Variants in PDCL2 observed in about 807,000 individuals in gnomAD.
PDCL2 encodes the protein phosducin like 2, also known as phosducin-like protein 2.
PDCL2 carries 23 observed loss-of-function variants against 30.3 expected under a neutral mutation model. The ratio of observed to expected loss-of-function variants is 0.76; its 90% CI spans 0.55 to 1.08. The LOEUF is 1.08. PDCL2 is among the 50% of genes least tolerant of loss of function. The probability of loss-of-function intolerance (pLI) is 0.00; values close to 1 mark genes in which losing one functional copy is unlikely to be tolerated. For missense variants in PDCL2, 243 were observed against 282.3 expected, an observed-to-expected ratio of 0.86 and a Z score of 1.00; for synonymous variants, 68 against 86.2, an observed-to-expected ratio of 0.79 and a Z score of 1.17.
intron 1 of PDCL2, among the ~76,000 whole-genome samples, chr4:55,589,446 A>G (rs1233442403): frequency 7.9e-5 from 12 of 152,192 alleles, no homozygotes; most frequent in Admixed American, 7.9e-4. Flanking sequence ...CCACCCAACA[A>G]TACGACTCAG....
At chr4:55,562,319 T>C in intron 5 of PDCL2, 85 bp downstream of exon 5, 1 of 904,508 alleles carries the variant, frequency 1.1e-6, no homozygotes, top group East Asian at 3.0e-5. Context: ...AAAACCTTGG[T>C]ACTAAGGAAG....
At chr4:55,560,772 G>A (rs762520211) in intron 5 of PDCL2, among the ~76,000 whole-genome samples, 10 of 152,158 alleles carry the variant, frequency 6.6e-5, no homozygotes, top group Non-Finnish European at 1.3e-4. Context: ...GGAGTGGTTA[G>A]ACCATGAGGG....
At chr4:55,577,726 C>T (rs1249817927) in intron 3 of PDCL2, among the ~76,000 whole-genome samples, 1 of 152,104 alleles carries the variant, frequency 6.6e-6, no homozygotes, top group East Asian at 1.9e-4. Flanking sequence ...TATTGATATT[C>T]TCTTTTTGAT....
intron 2 of PDCL2, among the ~76,000 whole-genome samples, chr4:55,581,553 C>T (rs1452597798): frequency 1.3e-5 from 2 of 152,056 alleles, no homozygotes; most frequent in African/African-American, 4.8e-5. Flanking sequence ...GGCAGAGGGA[C>T]ATGGTGGGAG....
intron 1 of PDCL2, among the ~76,000 whole-genome samples, chr4:55,587,427 A>G (rs1190279995): frequency 6.6e-6 from 1 of 151,646 alleles, no homozygotes; most frequent in East Asian, 1.9e-4. Flanking sequence ...CCATTTTTAT[A>G]TTGGGTTGTT....
intron 3 of PDCL2, among the ~76,000 whole-genome samples, chr4:55,574,511 C>G (rs935162196): frequency 6.6e-6 from 1 of 152,186 alleles, no homozygotes; most frequent in African/African-American, 2.4e-5. Flanking sequence ...TATGTAGCCC[C>G]TAATGAAACA....
chr4:55,559,767 C>T (rs1024636198), intron 5 of PDCL2, among the ~76,000 whole-genome samples: 2 of 152,106 alleles, frequency 1.3e-5, no homozygotes, highest in Non-Finnish European at 2.9e-5. Flanking sequence ...TGTCCATTAA[C>T]AGATGAAGGG....
chr4:55,566,710 T>C (rs2110155752), intron 4 of PDCL2, among the ~76,000 whole-genome samples: 1 of 152,210 alleles, frequency 6.6e-6, no homozygotes, highest in South Asian at 2.1e-4. Flanking sequence ...TTACAGGCAA[T>C]GAGCCACCGC....
In PDCL2 at chr4:55,556,652, T is replaced by C; in HGVS notation, c.631A>G (p.Arg211Gly). Residue 211 changes from arginine to glycine, a missense_variant, in exon 6 of 6, where the codon AGA becomes GGA. Arg to Gly is a moderately radical substitution (Grantham distance 125). Transcript: ENST00000295645. ...AIQTDLEENP[R>G]KDMVDMMVSS... ...ACCATCATATCTACCATGTCTTTTC[T>C]GGGGTTTTCTTCCAAATCAGTCTGT... is the stretch of plus-strand genomic sequence containing the variant. 6.4e-7 allele frequency: 1 copy of C among 1,571,130 alleles called. No individual in the cohort carries two copies. The highest frequency in any genetic ancestry group is 8.7e-7 in the Non-Finnish European group (1 of 1,156,020).
intron 4 of PDCL2, 95 bp downstream of exon 4, chr4:55,569,623 T>C: frequency 1.2e-6 from 1 of 854,720 alleles, no homozygotes; most frequent in Non-Finnish European, 1.7e-6. Flanking sequence ...TTGCTTTTTC[T>C]TGAGTACTGT....
chr4:55,573,394 A>C (rs1239122144), intron 3 of PDCL2, among the ~76,000 whole-genome samples: 1 of 152,132 alleles, frequency 6.6e-6, no homozygotes, highest in East Asian at 1.9e-4. Flanking sequence ...TGAATATTAC[A>C]TCTTTTTTTA....
chr4:55,560,195 G>GT (rs1333198933), intron 5 of PDCL2, among the ~76,000 whole-genome samples: 1 of 145,224 alleles, frequency 6.9e-6, no homozygotes, highest in African/African-American at 2.5e-5. Flanking sequence ...AAAAAGGGGG[G>GT]GGGGACGAGA....
Position 55,560,210 on chromosome 4 carries a change from C to T in PDCL2, c.571+2194G>A, listed in dbSNP as rs189299821. On this transcript the variant is annotated intron_variant, in intron 5 of 5. Transcript: ENST00000295645. ...AAAAAGGGGGGGGGGACGAGATACA[C>T]ACTAAATTCGTGATAGTTTTTGCCC... 3.4e-5 allele frequency among the ~76,000 whole-genome samples: 5 copies of T among 149,076 alleles called. No individual in the cohort carries two copies. In the East Asian group the frequency reaches 6.0e-4, roughly 18 times the overall value.
chr4:55,564,494 C>T (rs770159542), intron 4 of PDCL2, among the ~76,000 whole-genome samples: 1 of 152,088 alleles, frequency 6.6e-6, no homozygotes, highest in African/African-American at 2.4e-5. Flanking sequence ...GGTATTCAAG[C>T]TTCAAAATAT....
At chr4:55,562,001 T>G (rs965655098) in intron 5 of PDCL2, among the ~76,000 whole-genome samples, 4 of 152,100 alleles carry the variant, frequency 2.6e-5, no homozygotes, top group South Asian at 2.1e-4. Flanking sequence ...AACTTTGGAT[T>G]TGGATAATAG....
intron 5 of PDCL2, among the ~76,000 whole-genome samples, chr4:55,561,288 G>A (rs1166807220): frequency 6.6e-6 from 1 of 152,062 alleles, no homozygotes; most frequent in Non-Finnish European, 1.5e-5. Context: ...CCAGCCAGGG[G>A]CAGAGGCTCA....
intron 1 of PDCL2, among the ~76,000 whole-genome samples, chr4:55,586,313 C>T (rs902014479): frequency 2.0e-5 from 3 of 152,180 alleles, no homozygotes; most frequent in Non-Finnish European, 4.4e-5. Flanking sequence ...AAACTGTACT[C>T]ATTAAATAAT....
chr4:55,581,350 A>T (rs1192836270), intron 2 of PDCL2, among the ~76,000 whole-genome samples: 1 of 152,134 alleles, frequency 6.6e-6, no homozygotes, highest in African/African-American at 2.4e-5. Flanking sequence ...CCAGCCACCA[A>T]AAAAAGCTAT....
chr4:55,570,008 A>G (rs1048899480), intron 3 of PDCL2, 147 bp from the exon 4 acceptor site: 3 of 574,590 alleles, frequency 5.2e-6, no homozygotes, highest in Non-Finnish European at 8.4e-6. Flanking sequence ...ATGATCTTAT[A>G]AAACCAATTT....
Sources: gnomAD v4.1 joint callset for allele counts (sites outside exome capture counted in the v4.1 genomes callset) on GRCh38, gnomAD v4.1.1 for gene constraint, MANE v1.5 for transcripts, NCBI Gene and HGNC (gene_info 2026-07-23, HGNC 2026-07-21) for gene names.